NXPE2: variants seen among roughly 807,000 people sequenced by gnomAD.
NXPE2 encodes NXPE family member 2.
In NXPE2, 34 loss-of-function variants were observed where a neutral mutation model predicts 34.4. The observed-to-expected ratio is 0.99, with a 90% CI of 0.75 to 1.31. The LOEUF (loss-of-function observed/expected upper bound fraction) is 1.31, where lower values mean the gene tolerates loss of function less well. Among genes scored for constraint, NXPE2 ranks in the 40% most tolerant of loss-of-function variants. The pLI is 0.00. For synonymous variants in NXPE2, 235 were observed against 231.3 expected, an observed-to-expected ratio of 1.02 and a Z score of -0.15; for missense variants, 649 against 672.5, an observed-to-expected ratio of 0.97 and a Z score of 0.39.
At chr11:114,608,047 T>G in the NXPE2 span, among the ~76,000 whole-genome samples, 34 of 151,920 alleles carry the variant, frequency 2.2e-4, no homozygotes, top group Middle Eastern at 3.4e-3. Context: ...GGATAATAAG[T>G]GTTTCCTCGG....
the NXPE2 span, among the ~76,000 whole-genome samples, chr11:114,671,541 G>A: frequency 6.6e-6 from 1 of 151,882 alleles, no homozygotes; most frequent in Non-Finnish European, 1.5e-5. Flanking sequence ...AGCAGCAAGA[G>A]GAAAATAATT....
At chr11:114,718,841 T>G in the NXPE2 span, among the ~76,000 whole-genome samples, 1 of 152,208 alleles carries the variant, frequency 6.6e-6, no homozygotes, top group African/African-American at 2.4e-5. Context: ...GTGGTCTGAA[T>G]GTTGGTGTCT....
At chr11:114,751,043 C>T in the NXPE2 span, among the ~76,000 whole-genome samples, 1 of 152,108 alleles carries the variant, frequency 6.6e-6, no homozygotes, top group African/African-American at 2.4e-5. Flanking sequence ...CTCAGGCTGT[C>T]AAAGGTCCTG....
chr11:114,765,160 T>C, the NXPE2 span, among the ~76,000 whole-genome samples: 2 of 152,250 alleles, frequency 1.3e-5, no homozygotes, highest in Non-Finnish European at 2.9e-5. Context: ...TGGTGAACTC[T>C]TTAAGCTGAT....
the NXPE2 span, chr11:114,582,882 A>G: frequency 6.2e-7 from 1 of 1,614,030 alleles, no homozygotes; most frequent in Non-Finnish European, 8.5e-7. Flanking sequence ...CTGCTGATCT[A>G]GTTTCTCTAT....
intron 2 of NXPE2, among the ~76,000 whole-genome samples, chr11:114,693,036 T>C (rs1951182259): frequency 6.6e-6 from 1 of 152,224 alleles, no homozygotes; most frequent in African/African-American, 2.4e-5. Flanking sequence ...AAAGCTTAAC[T>C]CTTTTTCTCT....
At chr11:114,749,840 CT>C in the NXPE2 span, among the ~76,000 whole-genome samples, 2 of 152,140 alleles carry the variant, frequency 1.3e-5, no homozygotes, top group African/African-American at 4.8e-5. Context: ...ACGTGGATGT[CT>C]TCTTCACCCT....
the NXPE2 span, among the ~76,000 whole-genome samples, chr11:114,782,008 AC>A: frequency 6.6e-6 from 1 of 151,880 alleles, no homozygotes; most frequent in Non-Finnish European, 1.5e-5. Context: ...TGGTTCCAGG[AC>A]CTCCCACAGA....
At chr11:114,732,339 A>G in the NXPE2 span, among the ~76,000 whole-genome samples, 1 of 152,130 alleles carries the variant, frequency 6.6e-6, no homozygotes, top group African/African-American at 2.4e-5. Context: ...AGGACCTCCT[A>G]TTACCTTCAG....
the NXPE2 span, among the ~76,000 whole-genome samples, chr11:114,534,379 T>A: frequency 6.6e-6 from 1 of 152,120 alleles, no homozygotes; most frequent in Non-Finnish European, 1.5e-5. Flanking sequence ...TCAGAGCGCC[T>A]CTTCTCCTCC....
chr11:114,630,725 A>G, the NXPE2 span, among the ~76,000 whole-genome samples: 4 of 151,546 alleles, frequency 2.6e-5, no homozygotes, highest in Admixed American at 1.3e-4. Flanking sequence ...CTACCATCAG[A>G]GTGAACAGGC....
At chr11:114,484,159 C>T in the NXPE2 span, among the ~76,000 whole-genome samples, 1 of 152,150 alleles carries the variant, frequency 6.6e-6, no homozygotes, top group Non-Finnish European at 1.5e-5. Context: ...CTCTCCTTTT[C>T]CATACCCCTC....
At chr11:114,802,269 A>C in the NXPE2 span, among the ~76,000 whole-genome samples, 1 of 152,064 alleles carries the variant, frequency 6.6e-6, no homozygotes, top group Non-Finnish European at 1.5e-5. Flanking sequence ...GTTCTCCCTC[A>C]CTGTCTCTCC....
chr11:114,724,896 T>G, the NXPE2 span, among the ~76,000 whole-genome samples: 12 of 150,458 alleles, frequency 8.0e-5, no homozygotes, highest in South Asian at 4.3e-4. Context: ...AATGGTTTTT[T>G]TTTTTTTTTT....
the NXPE2 span, among the ~76,000 whole-genome samples, chr11:114,659,611 A>T: frequency 3.5e-4 from 54 of 152,180 alleles, no homozygotes; most frequent in African/African-American, 1.3e-3. Context: ...GAATACTAGA[A>T]AATATTTTTA....
At chr11:114,512,918 A>T in the NXPE2 span, 1 of 312,498 alleles carries the variant, frequency 3.2e-6, no homozygotes, top group South Asian at 3.0e-5. Flanking sequence ...TTGACCTGAG[A>T]GGTGCCGCTG....
chr11:114,617,537 A>G, the NXPE2 span, among the ~76,000 whole-genome samples: 12 of 152,138 alleles, frequency 7.9e-5, no homozygotes, highest in African/African-American at 2.7e-4. Flanking sequence ...CTCGTGGCTA[A>G]CCACTGTTAC....
chr11:114,531,533 C>G, the NXPE2 span, among the ~76,000 whole-genome samples: 1 of 152,210 alleles, frequency 6.6e-6, no homozygotes, highest in Non-Finnish European at 1.5e-5. Flanking sequence ...CTATTTGTGT[C>G]ATCTCCCAAC....
At chr11:114,525,698 A>C in the NXPE2 span, among the ~76,000 whole-genome samples, 1 of 152,148 alleles carries the variant, frequency 6.6e-6, no homozygotes, top group Non-Finnish European at 1.5e-5. Context: ...AAAACCTGTC[A>C]CTGTTTGATA....
Sources: allele counts gnomAD v4.1 joint callset (sites outside exome capture counted in the v4.1 genomes callset), GRCh38; gene constraint gnomAD v4.1.1; transcripts MANE v1.5; gene names NCBI Gene and HGNC (gene_info 2026-07-23, HGNC 2026-07-21).